CDH13: variants seen among roughly 807,000 people sequenced by gnomAD.
The protein encoded by CDH13 is cadherin-13.
CDH13 carries 24 observed loss-of-function variants against 63.8 expected under a neutral mutation model. That is an observed-to-expected ratio of 0.38 (90% CI 0.27 to 0.53). The LOEUF is 0.53. Ranked by LOEUF, CDH13 falls within the 20% of genes least tolerant of loss-of-function variation. The probability of loss-of-function intolerance (pLI) is 0.85; values close to 1 mark genes in which losing one functional copy is unlikely to be tolerated. For missense variants in CDH13, 1,049 were observed against 903.1 expected, an observed-to-expected ratio of 1.16 and a Z score of -2.07; for synonymous variants, 503 against 355.3, an observed-to-expected ratio of 1.42 and a Z score of -4.67.
chr16:83,542,232 A>G (rs147786620), intron 7 of CDH13, among the ~76,000 whole-genome samples: 175 of 152,278 alleles, frequency 1.1e-3, no homozygotes, highest in Admixed American at 2.1e-3. Context: ...CCTTGGTTGC[A>G]CCTTAGAGTC....
chr16:82,851,439 AAAAAATAAAAAG>A (rs2039480060), intron 1 of CDH13, among the ~76,000 whole-genome samples: 3 of 110,900 alleles, frequency 2.7e-5, no homozygotes, highest in Admixed American at 8.5e-5. Context: ...CGTCTCAAAA[AAAAAATAAAAAG>A]AAAAAGAAAA....
intron 11 of CDH13, among the ~76,000 whole-genome samples, chr16:83,761,100 T>C (rs750935270): frequency 1.3e-5 from 2 of 152,234 alleles, no homozygotes; most frequent in Non-Finnish European, 2.9e-5. Context: ...AAACGATAAC[T>C]TTCCTTTAAA....
chr16:83,102,930 C>CTTTTTTTTTTTTTTTTTTTTTTTTT (rs71148812), intron 3 of CDH13, among the ~76,000 whole-genome samples: 5 of 96,932 alleles, frequency 5.2e-5, no homozygotes, highest in African/African-American at 1.8e-4. Context: ...TTTTCTTTTT[C>CTTTTTTTTTTTTTTTTTTTTTTTTT]TTTTTTTTTT....
intron 3 of CDH13, among the ~76,000 whole-genome samples, chr16:83,071,952 C>T (rs904440262): frequency 5.9e-5 from 9 of 152,110 alleles, no homozygotes; most frequent in African/African-American, 1.7e-4. Context: ...TCTAAACTAA[C>T]GTCAAAGAGA....
intron 2 of CDH13, 190 bp downstream of exon 2, chr16:82,858,663 A>G: frequency 1.6e-6 from 1 of 626,932 alleles, no homozygotes; most frequent in Non-Finnish European, 2.9e-6. Context: ...TAATAGAGTG[A>G]TATGCATCTC....
At chr16:82,997,854 C>T (rs147392812) in intron 2 of CDH13, among the ~76,000 whole-genome samples, 26 of 152,276 alleles carry the variant, frequency 1.7e-4, no homozygotes, top group East Asian at 1.2e-3. Context: ...GATTAACTAC[C>T]AGTTGCAGCT....
intron 2 of CDH13, among the ~76,000 whole-genome samples, chr16:82,992,633 T>C (rs1911782813): frequency 1.3e-5 from 2 of 152,184 alleles, no homozygotes; most frequent in Admixed American, 1.3e-4. Context: ...TGATTTAAAA[T>C]TAGCCTATAA....
chr16:83,490,389 G>T (rs1185422033), intron 7 of CDH13, among the ~76,000 whole-genome samples: 1 of 152,176 alleles, frequency 6.6e-6, no homozygotes, highest in Non-Finnish European at 1.5e-5. Context: ...ACTGAGGATA[G>T]TCACACAGGG....
chr16:82,990,825 G>A (rs73594215), intron 2 of CDH13, among the ~76,000 whole-genome samples: 6,837 of 152,218 alleles, frequency 0.045, 354 homozygotes, highest in African/African-American at 0.12. Context: ...ACAGGTGTGA[G>A]CCACTGTGCC....
At chr16:82,979,278 T>C (rs377153536) in intron 2 of CDH13, among the ~76,000 whole-genome samples, 1 of 152,324 alleles carries the variant, frequency 6.6e-6, no homozygotes, top group Admixed American at 6.5e-5. Flanking sequence ...CAGTTAATGC[T>C]GGACTGAGTT....
intron 1 of CDH13, among the ~76,000 whole-genome samples, chr16:82,719,739 G>C (rs1039135998): frequency 1.3e-5 from 2 of 151,310 alleles, no homozygotes; most frequent in South Asian, 2.1e-4. Context: ...CCGGCTACTC[G>C]GGAGGCTGAA....
chr16:82,978,083 A>G (rs1909769570), intron 2 of CDH13, among the ~76,000 whole-genome samples: 2 of 152,172 alleles, frequency 1.3e-5, no homozygotes, highest in South Asian at 4.1e-4. Context: ...GATCTCTGGC[A>G]CTTTGAACTG....
chr16:83,329,710 A>T (rs1161354687), intron 5 of CDH13, among the ~76,000 whole-genome samples: 1 of 152,144 alleles, frequency 6.6e-6, no homozygotes, highest in Admixed American at 6.5e-5. Flanking sequence ...GAGAGTCACC[A>T]TTCTACTTTC....
intron 4 of CDH13, among the ~76,000 whole-genome samples, chr16:83,200,419 A>G (rs1157269784): frequency 6.6e-6 from 1 of 152,160 alleles, no homozygotes; most frequent in East Asian, 1.9e-4. Context: ...CATGTCTCTA[A>G]GCATTCAACC....
intron 11 of CDH13, among the ~76,000 whole-genome samples, chr16:83,750,083 G>T (rs1383622137): frequency 6.6e-6 from 1 of 152,090 alleles, no homozygotes; most frequent in Non-Finnish European, 1.5e-5. Flanking sequence ...GGATTACAAG[G>T]CCAGGAGTTT....
intron 5 of CDH13, among the ~76,000 whole-genome samples, chr16:83,227,585 T>C (rs2039878945): frequency 6.6e-6 from 1 of 152,198 alleles, no homozygotes; most frequent in Admixed American, 6.5e-5. Flanking sequence ...TGCCCACTGC[T>C]TCCTGTTTAA....
intron 5 of CDH13, among the ~76,000 whole-genome samples, chr16:83,288,728 G>A (rs746934961): frequency 6.6e-6 from 1 of 152,170 alleles, no homozygotes; most frequent in Non-Finnish European, 1.5e-5. Context: ...AAATTATTTT[G>A]CCTTTCATAA....
intron 1 of CDH13, among the ~76,000 whole-genome samples, chr16:82,796,077 C>A (rs1211240875): frequency 6.6e-6 from 1 of 151,642 alleles, no homozygotes; most frequent in Non-Finnish European, 1.5e-5. Context: ...CTTACTGGTT[C>A]ATGTCAGGTT....
intron 5 of CDH13, among the ~76,000 whole-genome samples, chr16:83,296,003 T>C (rs1392851238): frequency 6.6e-6 from 1 of 152,184 alleles, no homozygotes; most frequent in Non-Finnish European, 1.5e-5. Context: ...AGCCTATTGA[T>C]GTTTCAGAGA....
Sources: allele counts gnomAD v4.1 joint callset (sites outside exome capture counted in the v4.1 genomes callset), GRCh38; gene constraint gnomAD v4.1.1; transcripts MANE v1.5; gene names NCBI Gene and HGNC (gene_info 2026-07-23, HGNC 2026-07-21).